Variants in RARB observed in about 807,000 individuals in gnomAD.
RARB encodes HBV-activated protein.
A neutral mutation model predicts 51.9 loss-of-function variants in RARB; 17 were observed. That is an observed-to-expected ratio of 0.33 (90% CI 0.22 to 0.49). RARB has a LOEUF of 0.49. Among genes scored for constraint, RARB ranks in the 20% least tolerant of loss-of-function variants. RARB has a pLI of 0.99. For synonymous variants in RARB, 215 were observed against 195.4 expected (o/e 1.10, Z -0.84); for missense variants, 369 against 550.8 (o/e 0.67, Z 3.30).
intron 4 of RARB, among the ~76,000 whole-genome samples, chr3:25,134,617 T>C (rs1700002809): frequency 6.6e-6 from 1 of 151,972 alleles, no homozygotes; most frequent in African/African-American, 2.4e-5. Context: ...TCAACTAAAA[T>C]ATTTTTTAGT....
At chr3:25,451,485 A>G (rs535589430) in intron 1 of RARB, among the ~76,000 whole-genome samples, 2 of 152,322 alleles carry the variant, frequency 1.3e-5, no homozygotes, top group African/African-American at 4.8e-5. Context: ...ATCGGTTTCA[A>G]AGTTATTTTG....
At chr3:24,943,642 A>G (rs547411610) in intron 2 of RARB, among the ~76,000 whole-genome samples, 2 of 152,298 alleles carry the variant, frequency 1.3e-5, no homozygotes, top group South Asian at 4.1e-4. Context: ...AAGCCTCTTC[A>G]TTGTCTTTAT....
intron 2 of RARB, among the ~76,000 whole-genome samples, chr3:25,034,015 G>A (rs1277681003): frequency 6.6e-6 from 1 of 152,144 alleles, no homozygotes; most frequent in East Asian, 1.9e-4. Context: ...TTAAGCCGTA[G>A]GATCTAGTCA....
exon 5 of RARB, chr3:25,174,334 G>T (rs1700700329): frequency 7.8e-7 from 1 of 1,286,872 alleles, no homozygotes; most frequent in Non-Finnish European, 1.0e-6. Flanking sequence ...CCCTCACTTT[G>T]GTTTAAGACC....
At chr3:25,501,657 A>G (rs1394088860) in intron 3 of RARB, among the ~76,000 whole-genome samples, 4 of 152,184 alleles carry the variant, frequency 2.6e-5, no homozygotes, top group African/African-American at 4.8e-5. Flanking sequence ...GACAATGGGT[A>G]TAAGGATCTT....
intron 3 of RARB, among the ~76,000 whole-genome samples, chr3:25,090,903 G>T (rs1276395031): frequency 6.6e-6 from 1 of 152,100 alleles, no homozygotes; most frequent in Non-Finnish European, 1.5e-5. Context: ...AAATGTTTAA[G>T]ATGATCCGTG....
chr3:25,003,324 G>A (rs1442597425), intron 2 of RARB, among the ~76,000 whole-genome samples: 2 of 152,072 alleles, frequency 1.3e-5, no homozygotes, highest in Non-Finnish European at 2.9e-5. Flanking sequence ...GGCAGGGAGA[G>A]CTCAGCATGT....
intron 2 of RARB, among the ~76,000 whole-genome samples, chr3:24,958,782 C>A (rs1346414009): frequency 6.6e-6 from 1 of 152,194 alleles, no homozygotes; most frequent in East Asian, 1.9e-4. Context: ...AATAATATGA[C>A]AACATAGCCA....
At chr3:25,405,250 G>A (rs964124805) in intron 5 of RARB, among the ~76,000 whole-genome samples, 2 of 152,144 alleles carry the variant, frequency 1.3e-5, no homozygotes, top group Non-Finnish European at 2.9e-5. Flanking sequence ...TGGGCACAAT[G>A]GCTCATGGCT....
At chr3:24,965,023 A>G (rs939080404) in intron 2 of RARB, among the ~76,000 whole-genome samples, 2 of 152,204 alleles carry the variant, frequency 1.3e-5, no homozygotes, top group East Asian at 3.8e-4. Context: ...GGTTCTAAAG[A>G]TAGAACTGGA....
intron 5 of RARB, among the ~76,000 whole-genome samples, chr3:25,205,993 C>G (rs755557824): frequency 1.3e-5 from 2 of 152,108 alleles, no homozygotes; most frequent in African/African-American, 4.8e-5. Context: ...CTAAGTGTTC[C>G]AAGCATGTTT....
At position 25,189,439 on chromosome 3, in the gene RARB, C is replaced by G. The variant is rs76802828; in HGVS notation, c.178+14864C>G. Among the ~76,000 whole-genome samples the G allele has an allele frequency of 8.3e-3, 1,267 of 152,244 alleles. 20 individuals carry two copies. The highest frequency in any genetic ancestry group is 0.029 in the African/African-American group (1,198 of 41,540). On this transcript the variant is annotated intron_variant, in intron 5 of 11. Transcript: ENST00000383772. ...TGACAAGGACCTGAGGAGCCAAAGG[C>G]CCAACCCTCCCCTAGGAGCAGGGGC...
At chr3:25,287,809 T>C (rs1162964456) in intron 5 of RARB, among the ~76,000 whole-genome samples, 7 of 152,080 alleles carry the variant, frequency 4.6e-5, no homozygotes, top group African/African-American at 1.7e-4. Context: ...TCTTGAGAAA[T>C]GATTGCAGCT....
chr3:25,243,665 G>C (rs188269848), intron 5 of RARB, among the ~76,000 whole-genome samples: 177 of 152,228 alleles, frequency 1.2e-3, no homozygotes, highest in Non-Finnish European at 2.1e-3. Flanking sequence ...AAGCTGACTT[G>C]GTCGTGGTGG....
chr3:25,331,202 C>T (rs1329595066), intron 5 of RARB, among the ~76,000 whole-genome samples: 1 of 152,166 alleles, frequency 6.6e-6, no homozygotes, highest in Admixed American at 6.5e-5. Flanking sequence ...AATTCTCCAC[C>T]CCAAATCAAC....
At chr3:25,492,751 T>G (rs1348964269) in intron 2 of RARB, among the ~76,000 whole-genome samples, 1 of 152,200 alleles carries the variant, frequency 6.6e-6, no homozygotes, top group Non-Finnish European at 1.5e-5. Context: ...TTTTCAAAAT[T>G]CAGGCTTTCT....
intron 2 of RARB, among the ~76,000 whole-genome samples, chr3:24,977,687 T>G (rs35910170): frequency 0.2 from 30,678 of 152,186 alleles, 3,640 homozygotes; most frequent in East Asian, 0.3. Context: ...TACACAATTA[T>G]GTCATCTGCA....
intron 5 of RARB, among the ~76,000 whole-genome samples, chr3:25,244,725 C>T (rs1702514965): frequency 6.6e-6 from 1 of 152,132 alleles, no homozygotes; most frequent in African/African-American, 2.4e-5. Flanking sequence ...GCATGTTTTA[C>T]TTCCAATTAT....
chr3:25,033,375 G>C (rs1697914573), intron 2 of RARB, among the ~76,000 whole-genome samples: 1 of 152,152 alleles, frequency 6.6e-6, no homozygotes, highest in Non-Finnish European at 1.5e-5. Flanking sequence ...CCCAGTCATG[G>C]GAGAAGCTGG....
Sources: gnomAD v4.1 joint callset for allele counts (sites outside exome capture counted in the v4.1 genomes callset) on GRCh38, gnomAD v4.1.1 for gene constraint, MANE v1.5 for transcripts, NCBI Gene and HGNC (gene_info 2026-07-23, HGNC 2026-07-21) for gene names.